Variants in CARS2 observed in about 807,000 individuals in gnomAD.
CARS2 encodes the protein probable cysteine--tRNA ligase, mitochondrial.
A neutral mutation model predicts 68.8 loss-of-function variants in CARS2; 52 were observed. The observed-to-expected ratio is 0.76, with a 90% CI of 0.61 to 0.95. CARS2 has a LOEUF of 0.95. CARS2 is among the 40% of genes least tolerant of loss of function. The pLI is 0.00. For missense variants in CARS2, 780 were observed against 754.2 expected, an observed-to-expected ratio of 1.03 and a Z score of -0.40; for synonymous variants, 314 against 303.6, an observed-to-expected ratio of 1.03 and a Z score of -0.36.
chr13:110,673,579 T>C (rs2062862589), intron 7 of CARS2, among the ~76,000 whole-genome samples: 1 of 152,114 alleles, frequency 6.6e-6, no homozygotes, highest in South Asian at 2.1e-4. Flanking sequence ...TAATAAGAGC[T>C]ATTTATGACA....
intron 2 of CARS2, among the ~76,000 whole-genome samples, chr13:110,702,592 T>A (rs2063819711): frequency 6.6e-6 from 1 of 151,630 alleles, no homozygotes; most frequent in African/African-American, 2.4e-5. Flanking sequence ...AAAACAAGAG[T>A]CAAGTCCCTT....
At chr13:110,686,974 C>T (rs1351233786) in intron 5 of CARS2, among the ~76,000 whole-genome samples, 1 of 152,118 alleles carries the variant, frequency 6.6e-6, no homozygotes, top group Non-Finnish European at 1.5e-5. Flanking sequence ...TCCCGCAACT[C>T]ACTCGTAATG....
intron 7 of CARS2, among the ~76,000 whole-genome samples, chr13:110,671,857 G>A (rs1398465280): frequency 6.6e-6 from 1 of 152,102 alleles, no homozygotes; most frequent in Non-Finnish European, 1.5e-5. Flanking sequence ...TCAAAATAAA[G>A]GGATGAAGGG....
chr13:110,651,223 A>G (rs1333356642), intron 9 of CARS2, 123 bp from the exon 10 acceptor site: 1 of 626,052 alleles, frequency 1.6e-6, no homozygotes, highest in Non-Finnish European at 2.7e-6. Context: ...AGGAACCTTG[A>G]TGAAAATGAG....
chr13:110,705,845 C>G lies in CARS2; in HGVS notation c.224+25G>C, dbSNP rs763734934. 6.5e-7 allele frequency: 1 copy of G among 1,541,538 alleles called. No individual in the cohort carries two copies. Among genetic ancestry groups the G allele is most frequent in the Non-Finnish European group, 8.7e-7 (1 of 1,145,794 alleles). ...GTCTCCGCCACGATCGGCCCCCGCC[C>G]GTGCCCCAGTCCCGCGCGGCCCACC... On this transcript the variant is annotated intron_variant, in intron 1 of 14. Transcript: ENST00000257347. The surrounding 1 kb of genome is among the most constrained non-coding windows in gnomAD (Gnocchi z 4.0).
At position 110,705,817 on chromosome 13, in the gene CARS2, G is replaced by A. The variant is rs748266525; in HGVS notation, c.224+53C>T. On this transcript the variant is annotated intron_variant, in intron 1 of 14. Coordinates refer to ENST00000257347, the MANE Select transcript of CARS2 (RefSeq NM_024537.4). This position sits in a 1 kb window ranked among gnomAD's most constrained non-coding sequence, Gnocchi z 4.0. ...GAGCCCAGATCCCGTTCAGCCGTGG[G>A]AAGTCTCCGCCACGATCGGCCCCCG... is the stretch of plus-strand genomic sequence containing the variant. The A allele has an allele frequency of 2.7e-5, 41 of 1,525,468 alleles. No individual in the cohort carries two copies. Among genetic ancestry groups the A allele is most frequent in the Admixed American group, 1.2e-4 (6 of 50,088 alleles). 94.5% of individuals were successfully genotyped at this position (1,525,468 alleles called of 1,614,324 possible).
rs1467337145 is a variant in CARS2 at position 110,676,948 on chromosome 13, C to G, written c.785+26G>C. ...GGCACCAGGGGAACTTGAGCCCCAACCCCCAGGAAGCGGCAGGCACCTTAC... is the reference window on the plus strand; with the variant it reads ...GGCACCAGGGGAACTTGAGCCCCAAGCCCCAGGAAGCGGCAGGCACCTTAC... On this transcript the variant is annotated intron_variant, in intron 7 of 14. Transcript: ENST00000257347. The surrounding 1 kb of genome is among the most constrained non-coding windows in gnomAD (Gnocchi z 4.0). 6.0e-6 allele frequency: 9 copies of G among 1,507,082 alleles called. No individual in the cohort carries two copies. The highest frequency in any genetic ancestry group is 8.0e-6 in the Non-Finnish European group (9 of 1,121,306). 93.4% of individuals were successfully genotyped at this position (1,507,082 alleles called of 1,614,324 possible).
intron 6 of CARS2, among the ~76,000 whole-genome samples, chr13:110,680,365 C>T (rs974200706): frequency 6.6e-6 from 1 of 152,140 alleles, no homozygotes; most frequent in African/African-American, 2.4e-5. Flanking sequence ...TGCACTCCAG[C>T]CTGGGCAAAA....
chr13:110,691,706 T>C (rs2063463649), intron 3 of CARS2, among the ~76,000 whole-genome samples: 1 of 152,158 alleles, frequency 6.6e-6, no homozygotes, highest in African/African-American at 2.4e-5. Context: ...CCATTGATTA[T>C]CAGGGCTGTT....
chr13:110,679,593 A>AG (rs2063086995), intron 6 of CARS2, among the ~76,000 whole-genome samples: 2 of 28,156 alleles, frequency 7.1e-5, no homozygotes, highest in Admixed American at 5.5e-4. Context: ...GAAAGAAAGA[A>AG]AGAAAGAGAG....
At chr13:110,692,130 A>G (rs2063487508) in intron 3 of CARS2, among the ~76,000 whole-genome samples, 1 of 140,624 alleles carries the variant, frequency 7.1e-6, no homozygotes. Context: ...ACATATATAT[A>G]CATATATATG....
intron 2 of CARS2, among the ~76,000 whole-genome samples, chr13:110,703,664 G>T (rs1213925564): frequency 6.6e-6 from 1 of 152,154 alleles, no homozygotes; most frequent in Non-Finnish European, 1.5e-5. Context: ...CTTTTAAATG[G>T]CTAAATAAAC....
Position 110,665,596 on chromosome 13 carries a change from G to A in CARS2, c.919+1744C>T. The A allele has an allele frequency of 1.0e-6, 1 of 985,424 alleles. No individual in the cohort carries two copies. Among genetic ancestry groups the A allele is most frequent in the Non-Finnish European group, 1.2e-6 (1 of 829,958 alleles). 61.0% of individuals were successfully genotyped at this position (985,424 alleles called of 1,614,324 possible). A position where few individuals can be genotyped will look rare whatever the true frequency, so the allele number is the denominator to read the frequency against. ...CCCCCCAGCTCCACACTCGCAGAAG[G>A]GCTCACAGCAGGTCATGGTTGTCAG... On this transcript the variant is annotated intron_variant, in intron 8 of 14. Coordinates refer to ENST00000257347, the MANE Select transcript of CARS2 (RefSeq NM_024537.4). The surrounding 1 kb of genome is among the most constrained non-coding windows in gnomAD (Gnocchi z 4.3).
At position 110,665,967 on chromosome 13, in the gene CARS2, T is replaced by G; in HGVS notation, c.919+1373A>C. The stretch of plus-strand genomic sequence containing the variant: ...CCAAATCTATCACTACCAAACACTC[T>G]TTATCTTTCTTCATCTGGGACAAGG... On this transcript the variant is annotated intron_variant, in intron 8 of 14. Transcript: ENST00000257347. This position sits in a 1 kb window ranked among gnomAD's most constrained non-coding sequence, Gnocchi z 4.3. 7.1e-6 allele frequency: 7 copies of G among 985,366 alleles called. No homozygotes were observed. The highest frequency in any genetic ancestry group is 7.2e-6 in the Non-Finnish European group (6 of 829,922). 61.0% of individuals were successfully genotyped at this position (985,366 alleles called of 1,614,324 possible). A position where few individuals can be genotyped will look rare whatever the true frequency, so the allele number is the denominator to read the frequency against.
At chr13:110,645,939 C>T (rs1190741985) in intron 12 of CARS2, 28 bp downstream of exon 12, 9 of 1,607,562 alleles carry the variant, frequency 5.6e-6, no homozygotes, top group South Asian at 1.1e-5. Flanking sequence ...GGCAGCAGGA[C>T]CGCAAGGCCA....
chr13:110,669,235 G>C (rs2062735447), intron 7 of CARS2, among the ~76,000 whole-genome samples: 1 of 152,112 alleles, frequency 6.6e-6, no homozygotes, highest in South Asian at 2.1e-4. Context: ...CAGGTCGTGG[G>C]GGACAAGGCC....
chr13:110,667,325 G>A lies in CARS2; in HGVS notation c.919+15C>T, dbSNP rs760261101. ...GAATTGAAACAGAACAAATTAATCT[G>A]AAGTTATTACTTACCAGAATGCAGA... is the stretch of plus-strand genomic sequence containing the variant. On this transcript the variant is annotated intron_variant, in intron 8 of 14. Coordinates refer to ENST00000257347, the MANE Select transcript of CARS2 (RefSeq NM_024537.4). 1.2e-6 allele frequency: 2 copies of A among 1,600,616 alleles called. No homozygotes were observed. The highest frequency in any genetic ancestry group is 1.7e-5 in the Admixed American group (1 of 58,290).
chr13:110,678,166 C>A (rs1284250810), intron 6 of CARS2: 1 of 152,266 alleles, frequency 6.6e-6, no homozygotes, highest in Non-Finnish European at 1.5e-5. Flanking sequence ...TGGGGTTTTC[C>A]CATTTTTCCT....
At chr13:110,698,099 T>A (rs1331099792) in intron 3 of CARS2, 15 of 393,554 alleles carry the variant, frequency 3.8e-5, no homozygotes, top group Non-Finnish European at 2.5e-5. Flanking sequence ...CCACCCCATT[T>A]CACAAAAGGA....
Sources: gnomAD v4.1 joint callset for allele counts (sites outside exome capture counted in the v4.1 genomes callset) on GRCh38, gnomAD v4.1.1 for gene constraint, Gnocchi (gnomAD v3.1) non-coding constraint, MANE v1.5 for transcripts, NCBI Gene and HGNC (gene_info 2026-07-23, HGNC 2026-07-21) for gene names.